The following CEP135 variants were observed in gnomAD, a reference collection of about 807,000 sequenced individuals.
CEP135 encodes the protein centrosomal protein of 135 kDa.
Under a neutral mutation model 157.3 loss-of-function variants are expected in CEP135, and 142 were observed. The ratio of observed to expected loss-of-function variants is 0.90; its 90% confidence interval spans 0.79 to 1.04. CEP135 has a LOEUF of 1.04. Ranked by LOEUF, CEP135 falls within the 50% of genes least tolerant of loss-of-function variation. The pLI is 0.00. For missense variants in CEP135, 1,317 were observed against 1,309.2 expected (o/e 1.01, Z -0.09); for synonymous variants, 396 against 439.8 (o/e 0.90, Z 1.25).
intron 1 of CEP135, among the ~76,000 whole-genome samples, chr4:55,949,273 G>A (rs574345406): frequency 1.4e-5 from 2 of 144,350 alleles, no homozygotes; most frequent in East Asian, 4.7e-4. Context: ...AACACCCGAC[G>A]GTAAAGTTGC....
intron 17 of CEP135, among the ~76,000 whole-genome samples, chr4:56,003,558 T>C (rs1938305082): frequency 6.6e-6 from 1 of 152,178 alleles, no homozygotes; most frequent in South Asian, 2.1e-4. Context: ...CTGATCTTTA[T>C]TCTTTCTGGC....
rs117511248 is a variant in CEP135 at position 56,016,709 on chromosome 4, A to G, written c.2803-939A>G. Among the ~76,000 whole-genome samples, 128 of 152,132 alleles carry G rather than the reference A, an allele frequency of 8.4e-4. 2 individuals are homozygous for G. In the East Asian group the frequency reaches 0.024, roughly 28 times the overall value. ...TTTTTTTTAAGAGTCAGGGTCTTGC[A>G]CCATCGGCCAGGCTGGAGTGGAATG... On this transcript the variant is annotated intron_variant, in intron 21 of 25. Coordinates refer to ENST00000257287, the MANE Select transcript of CEP135 (RefSeq NM_025009.5).
chr4:55,970,470 T>G (rs911303644), intron 9 of CEP135, among the ~76,000 whole-genome samples: 5 of 152,240 alleles, frequency 3.3e-5, no homozygotes. Context: ...AGTTCTTTCA[T>G]TATGTATACT....
At chr4:56,027,469 C>G (rs910852816) in intron 25 of CEP135, among the ~76,000 whole-genome samples, 15 of 152,160 alleles carry the variant, frequency 9.9e-5, no homozygotes, top group African/African-American at 3.6e-4. Context: ...CTCTTGACAT[C>G]ATGTAGCTCT....
At chr4:55,959,827 G>T (rs1577866664) in intron 6 of CEP135, 61 bp downstream of exon 6, 4 of 1,282,590 alleles carry the variant, frequency 3.1e-6, no homozygotes, top group East Asian at 2.3e-5. Flanking sequence ...ATTGTAAATA[G>T]AATTGGGTTA....
At chr4:56,017,889 T>G in intron 22 of CEP135, 32 bp downstream of exon 22, 1 of 1,562,284 alleles carries the variant, frequency 6.4e-7, no homozygotes, top group Non-Finnish European at 8.8e-7. Flanking sequence ...GGCACATTGT[T>G]TTATTGAGCC....
chr4:56,018,586 C>T (rs957537346), intron 22 of CEP135, among the ~76,000 whole-genome samples: 6 of 151,910 alleles, frequency 3.9e-5, no homozygotes, highest in Non-Finnish European at 7.4e-5. Context: ...GGCAAAACCC[C>T]GTCTCTACAA....
intron 15 of CEP135, among the ~76,000 whole-genome samples, chr4:55,997,057 T>G (rs1729995099): frequency 6.6e-6 from 1 of 152,224 alleles, no homozygotes. Flanking sequence ...TTGCTACGTT[T>G]ATAGCATTTT....
intron 4 of CEP135, among the ~76,000 whole-genome samples, chr4:55,955,461 G>C (rs1728476091): frequency 6.6e-6 from 1 of 152,184 alleles, no homozygotes. Context: ...TGTGAAGCCA[G>C]GTGGGGGAAG....
chr4:55,970,166 C>G (rs1037250867), intron 9 of CEP135, among the ~76,000 whole-genome samples: 1 of 152,078 alleles, frequency 6.6e-6, no homozygotes, highest in African/African-American at 2.4e-5. Flanking sequence ...GCCACTGTGC[C>G]CAGCCCAGTC....
chr4:55,954,150 G>A lies in CEP135; in HGVS notation c.305-66G>A, dbSNP rs573692631. 618 of 1,406,228 alleles carry A rather than the reference G, an allele frequency of 4.4e-4. 7 individuals carry two copies. In the South Asian group the frequency reaches 8.0e-3, roughly 18 times the overall value. 87.1% of individuals were successfully genotyped at this position (1,406,228 alleles called of 1,614,324 possible). On this transcript the variant is annotated intron_variant, in intron 3 of 25. Coordinates refer to ENST00000257287, the MANE Select transcript of CEP135 (RefSeq NM_025009.5). Reference sequence around the variant, plus strand: ...ATTGATATGACTTTTTGTATTTTGTGAAATGGAAAAACTTCATTGGATTTC... The same window carrying A: ...ATTGATATGACTTTTTGTATTTTGTAAAATGGAAAAACTTCATTGGATTTC...
intron 6 of CEP135, among the ~76,000 whole-genome samples, chr4:55,964,032 A>C (rs1728765765): frequency 1.3e-5 from 2 of 152,362 alleles, no homozygotes; most frequent in Middle Eastern, 6.8e-3. Context: ...AAATTAAATT[A>C]GGAAGAATCT....
At chr4:55,976,515 A>G (rs1334398882) in intron 11 of CEP135, among the ~76,000 whole-genome samples, 6 of 152,240 alleles carry the variant, frequency 3.9e-5, no homozygotes, top group African/African-American at 1.4e-4. Context: ...TGGATTCACA[A>G]TTGAAAGACA....
Position 56,033,278 on chromosome 4 carries a change from C to A in CEP135, c.*1930C>A, listed in dbSNP as rs1036132033. 1 of 151,748 alleles carries A rather than the reference C, an allele frequency of 6.6e-6. No individual in the cohort carries two copies. The highest frequency in any genetic ancestry group is 1.5e-5 in the Non-Finnish European group (1 of 67,908). The allele number at this position is 151,748 out of a possible 1,614,324, so 9.4% of individuals were successfully genotyped here. On this transcript the variant is annotated 3_prime_UTR_variant, in exon 26 of 26. Transcript: ENST00000257287. ...ATCTTAAAATACTGAATGTTCTGAC[C>A]TTTTATAGATGTTTTTGATTTTGTT...
At chr4:55,960,483 G>A (rs1434447706) in intron 6 of CEP135, 1 of 152,172 alleles carries the variant, frequency 6.6e-6, no homozygotes, top group African/African-American at 2.4e-5. Context: ...TATGCTTCTT[G>A]AAGGTTAAAT....
intron 13 of CEP135, among the ~76,000 whole-genome samples, chr4:55,983,020 A>T (rs1729463621): frequency 6.6e-6 from 1 of 152,234 alleles, no homozygotes. Flanking sequence ...AAAACATTTA[A>T]ACATTATAAG....
chr4:56,005,283 G>T (rs1037985727), intron 17 of CEP135, among the ~76,000 whole-genome samples: 18 of 152,066 alleles, frequency 1.2e-4, no homozygotes, highest in Middle Eastern at 3.2e-3. Context: ...AAAAAAATTA[G>T]CTCAGCATGG....
At chr4:55,990,021 C>G (rs1394904725) in intron 14 of CEP135, among the ~76,000 whole-genome samples, 1 of 152,202 alleles carries the variant, frequency 6.6e-6, no homozygotes, top group Non-Finnish European at 1.5e-5. Flanking sequence ...TTGTCTGTGA[C>G]TGCTTTTGTG....
chr4:56,012,171 C>T (rs1207481970), intron 21 of CEP135, among the ~76,000 whole-genome samples, 186 bp downstream of exon 21: 2 of 152,156 alleles, frequency 1.3e-5, no homozygotes, highest in African/African-American at 4.8e-5. Context: ...TCTTCTGTCT[C>T]AGCCTCCTGA....
Sources: allele counts gnomAD v4.1 joint callset (sites outside exome capture counted in the v4.1 genomes callset), GRCh38; gene constraint gnomAD v4.1.1; transcripts MANE v1.5; gene names NCBI Gene and HGNC (gene_info 2026-07-23, HGNC 2026-07-21).